Variants in RUFY4 observed in about 807,000 individuals in gnomAD.
The protein encoded by RUFY4 is RUN and FYVE domain containing 4, also known as RUN and FYVE domain-containing protein 4.
In RUFY4, 73 loss-of-function variants were observed where a neutral mutation model predicts 69.0. That is an observed-to-expected ratio of 1.06 (90% CI 0.88 to 1.29). The LOEUF is 1.29. RUFY4 is among the 50% of genes most tolerant of loss of function. RUFY4 has a pLI of 0.00. For synonymous variants in RUFY4, 287 were observed against 271.8 expected (o/e 1.06, Z -0.55); for missense variants, 770 against 705.6 (o/e 1.09, Z -1.03).
chr2:218,044,585 C>G (rs532911639), intron 2 of RUFY4, among the ~76,000 whole-genome samples: 1 of 152,144 alleles, frequency 6.6e-6, no homozygotes, highest in African/African-American at 2.4e-5. Context: ...CTTTTTCTTT[C>G]TCCTCCCACC....
chr2:218,053,790 G>A (rs900787470), intron 2 of RUFY4, among the ~76,000 whole-genome samples: 3 of 152,202 alleles, frequency 2.0e-5, no homozygotes, highest in Admixed American at 6.5e-5. Flanking sequence ...GAGCCACCGC[G>A]CCCAGCCGCA....
At chr2:218,072,846 A>C in exon 4 of RUFY4, 1 of 1,535,926 alleles carries the variant, frequency 6.5e-7, no homozygotes, top group Non-Finnish European at 8.7e-7. Context: ...CAGCTGGCTG[A>C]GGCCCTGCAG....
chr2:218,041,578 A>G (rs1186626165), intron 2 of RUFY4, among the ~76,000 whole-genome samples: 1 of 149,892 alleles, frequency 6.7e-6, no homozygotes, highest in African/African-American at 2.5e-5. Context: ...GGTTGGACAC[A>G]GAAGTACAGC....
At chr2:218,072,668 G>T (rs753273139) in intron 3 of RUFY4, 111 bp from the exon 6 acceptor site, 6 of 1,295,236 alleles carry the variant, frequency 4.6e-6, no homozygotes, top group Non-Finnish European at 6.2e-6. Context: ...ATGGCCTCAG[G>T]TCCCCCTGCA....
At chr2:218,062,502 G>T (rs1042481151) in intron 3 of RUFY4, among the ~76,000 whole-genome samples, 3 of 151,892 alleles carry the variant, frequency 2.0e-5, no homozygotes, top group Non-Finnish European at 4.4e-5. Context: ...TGCCTGAGCA[G>T]GAGTTCGTGA....
At chr2:218,073,302 A>G in exon 5 of RUFY4, 1 of 1,560,348 alleles carries the variant, frequency 6.4e-7, no homozygotes, top group Non-Finnish European at 8.7e-7. Context: ...GACATCCTGG[A>G]CTCTCTCTAT....
At chr2:218,084,234 G>T (rs939361887) in intron 9 of RUFY4, among the ~76,000 whole-genome samples, 1 of 151,514 alleles carries the variant, frequency 6.6e-6, no homozygotes, top group African/African-American at 2.4e-5. Flanking sequence ...TTTTTTGTTT[G>T]CTTGTTTTTT....
chr2:218,070,604 C>A (rs760212262), exon 1 of RUFY4: 2 of 1,537,348 alleles, frequency 1.3e-6, no homozygotes, highest in African/African-American at 2.7e-5. Context: ...TTCCAAGTAC[C>A]CATGGCAGAA....
chr2:218,060,632 A>G (rs776665994), intron 3 of RUFY4: 3 of 1,356,072 alleles, frequency 2.2e-6, no homozygotes, highest in African/African-American at 2.9e-5. Context: ...TAGGGCAGCC[A>G]GCAGAGCAGG....
rs1222995108 is a variant in RUFY4 at position 218,075,547 on chromosome 2, G to C, written c.1055G>C (p.Gly352Ala). ...AGGCTGCTGATGCCCAGCCCCAGAG[G>C]GGCTGTAGAGGGAGCAGTATCAGGG... is the stretch of plus-strand genomic sequence containing the variant. The change falls in exon 7 of 11, where the codon GGG becomes GCG. Residue 352 changes from glycine (G) to alanine (A), a missense_variant. Transcript: ENST00000344321. The C allele has an allele frequency of 3.3e-6, 5 of 1,535,560 alleles. No individual in the cohort carries two copies. In the African/African-American group the frequency reaches 5.5e-5, roughly 17 times the overall value.
intron 2 of RUFY4, among the ~76,000 whole-genome samples, chr2:218,043,985 C>A (rs1688763003): frequency 6.6e-6 from 1 of 152,266 alleles, no homozygotes; most frequent in South Asian, 2.1e-4. Flanking sequence ...TGCACCCACC[C>A]AGCAGGGCTA....
At chr2:218,076,354 T>C (rs1559434920) in intron 7 of RUFY4, 73 bp from the exon 10 acceptor site, 1 of 1,511,808 alleles carries the variant, frequency 6.6e-7, no homozygotes, top group Non-Finnish European at 8.9e-7. Flanking sequence ...GGGAATGTTG[T>C]TCAGGTCAGC....
intron 3 of RUFY4, chr2:218,060,883 T>C: frequency 8.2e-7 from 1 of 1,224,352 alleles, no homozygotes; most frequent in Non-Finnish European, 1.2e-6. Flanking sequence ...AAAAGCAAGA[T>C]GCGTAGGGAC....
At chr2:218,087,549 C>G (rs1689923842) in intron 9 of RUFY4, among the ~76,000 whole-genome samples, 1 of 152,200 alleles carries the variant, frequency 6.6e-6, no homozygotes, top group Non-Finnish European at 1.5e-5. Flanking sequence ...CAATGGTAGG[C>G]TAGGCATGGT....
intron 2 of RUFY4, 102 bp from the exon 5 acceptor site, chr2:218,072,272 G>A: frequency 1.4e-6 from 2 of 1,408,004 alleles, no homozygotes; most frequent in Non-Finnish European, 1.9e-6. Context: ...TGTGTCTGCA[G>A]GAGCCCTCTC....
At chr2:218,072,991 G>C in intron 4 of RUFY4, 106 bp downstream of exon 6, 1 of 1,025,220 alleles carries the variant, frequency 9.8e-7, no homozygotes, top group Non-Finnish European at 1.4e-6. Context: ...ATCAAGGACA[G>C]TTACAATGAG....
At chr2:218,049,861 C>T (rs1010971908) in intron 2 of RUFY4, among the ~76,000 whole-genome samples, 1 of 152,152 alleles carries the variant, frequency 6.6e-6, no homozygotes, top group African/African-American at 2.4e-5. Flanking sequence ...TGAATAGATG[C>T]CTTGAGATAA....
chr2:218,071,307 T>C (rs1280857375), intron 2 of RUFY4, among the ~76,000 whole-genome samples: 1 of 152,060 alleles, frequency 6.6e-6, no homozygotes, highest in African/African-American at 2.4e-5. Flanking sequence ...CCGACACACA[T>C]CTTCCTGCTT....
chr2:218,084,950 A>C lies in RUFY4; in HGVS notation c.1502+1694A>C, dbSNP rs573563058. ...GTAATCTCAGCTATTCAAGAGGCTG[A>C]GGCAGGAGAATCACTTGAACCCAGG... is the stretch of plus-strand genomic sequence containing the variant. On this transcript the variant is annotated intron_variant, in intron 9 of 10. Coordinates refer to ENST00000344321, the Ensembl canonical transcript of RUFY4. Among the ~76,000 whole-genome samples, 4 of 152,330 alleles carry C rather than the reference A, an allele frequency of 2.6e-5. No individual in the cohort carries two copies. In the South Asian group the frequency reaches 8.3e-4, roughly 32 times the overall value.
Sources: allele counts gnomAD v4.1 joint callset (sites outside exome capture counted in the v4.1 genomes callset), GRCh38; gene constraint gnomAD v4.1.1; transcripts MANE v1.5; gene names NCBI Gene and HGNC (gene_info 2026-07-23, HGNC 2026-07-21).